The following SYCE1L variants were observed in gnomAD, a reference collection of about 807,000 sequenced individuals.
SYCE1L encodes synaptonemal complex central element protein 1 like.
SYCE1L carries 51 observed loss-of-function variants against 39.6 expected under a neutral mutation model. The observed-to-expected ratio is 1.29, with a 90% CI of 1.03 to 1.63. The LOEUF (loss-of-function observed/expected upper bound fraction) is 1.63, where lower values mean the gene tolerates loss of function less well. Among genes scored for constraint, SYCE1L ranks in the 40% most tolerant of loss-of-function variants. The pLI, the probability that SYCE1L is intolerant of heterozygous loss-of-function variation, is 0.00. For missense variants in SYCE1L, 426 were observed against 304.9 expected (o/e 1.40, Z -2.96); for synonymous variants, 147 against 122.4 (o/e 1.20, Z -1.33).
chr16:77,209,546 G>C (rs2054808818), intron 6 of SYCE1L, 75 bp downstream of exon 6: 1 of 1,500,894 alleles, frequency 6.7e-7, no homozygotes, highest in Admixed American at 2.0e-5. Context: ...CTGTGGAAAT[G>C]AATCTTGGAC....
chr16:77,201,001 C>G (rs901469939), intron 1 of SYCE1L: 1 of 152,192 alleles, frequency 6.6e-6, no homozygotes, highest in Non-Finnish European at 1.5e-5. Context: ...ACACATTAGA[C>G]TGCATCCTGC....
intron 1 of SYCE1L, chr16:77,201,448 G>A (rs551829214): frequency 6.6e-6 from 1 of 152,248 alleles, no homozygotes; most frequent in African/African-American, 2.4e-5. Context: ...CTTTATAAAG[G>A]GAAGCATAGT....
In SYCE1L at chr16:77,208,230, A is replaced by G. The variant is rs1348216490; in HGVS notation, c.142A>G (p.Ile48Val). 1.3e-6 allele frequency: 2 copies of G among 1,551,566 alleles called. No homozygotes were observed. Among genetic ancestry groups the G allele is most frequent in the East Asian group, 2.4e-5 (1 of 40,916 alleles). Reference sequence around the variant, plus strand: ...TTCAGAGGGAAGCCTGGAGCCACAGATAGAGGACCTGATTAGCCGGATTAA... The same window carrying G: ...TTCAGAGGGAAGCCTGGAGCCACAGGTAGAGGACCTGATTAGCCGGATTAA... ...LQKEGSLEPQIEDLISRINDL... is the reference protein window; with the variant it reads ...LQKEGSLEPQVEDLISRINDL... The change falls in exon 3 of 11, where the codon ATA (isoleucine) becomes GTA (valine). Residue 48 changes from isoleucine (I) to valine (V), a missense_variant. Coordinates refer to ENST00000378644, the MANE Select transcript of SYCE1L (RefSeq NM_001129979.3).
chr16:77,200,643 C>G (rs1310871566), intron 1 of SYCE1L: 1 of 150,518 alleles, frequency 6.6e-6, no homozygotes, highest in Non-Finnish European at 1.5e-5. Flanking sequence ...GTAGTCCCAG[C>G]TACTGGGGAG....
intron 3 of SYCE1L, 63 bp downstream of exon 3, chr16:77,208,332 A>G (rs907794856): frequency 6.5e-7 from 1 of 1,543,792 alleles, no homozygotes; most frequent in Non-Finnish European, 8.8e-7. Context: ...TTTATAATGA[A>G]TCCACCTCCT....
intron 5 of SYCE1L, 105 bp from the exon 6 acceptor site, chr16:77,209,312 C>T: frequency 7.2e-7 from 1 of 1,390,136 alleles, no homozygotes; most frequent in Non-Finnish European, 1.0e-6. Flanking sequence ...CACCCAAGTC[C>T]TCACAGTGCC....
intron 6 of SYCE1L, 112 bp from the exon 7 acceptor site, chr16:77,211,101 G>A: frequency 8.6e-7 from 1 of 1,157,724 alleles, no homozygotes; most frequent in Non-Finnish European, 1.3e-6. Flanking sequence ...ACCCATGAAG[G>A]GGCTCCCAGC....
chr16:77,204,938 AGGAGGCTGAGGC>A (rs2054774713), intron 1 of SYCE1L, among the ~76,000 whole-genome samples: 1 of 151,462 alleles, frequency 6.6e-6, no homozygotes, highest in African/African-American at 2.4e-5. Context: ...CCAGGTACTC[AGGAGGCTGAGGC>A]AGGAGAATCG....
chr16:77,209,349 C>T, intron 5 of SYCE1L, 68 bp from the exon 6 acceptor site: 3 of 1,516,054 alleles, frequency 2.0e-6, no homozygotes, highest in Non-Finnish European at 2.7e-6. Flanking sequence ...GATGTGGGGC[C>T]TATTACCTCT....
At chr16:77,210,092 T>A (rs1005288956) in intron 6 of SYCE1L, among the ~76,000 whole-genome samples, 2 of 152,202 alleles carry the variant, frequency 1.3e-5, no homozygotes, top group African/African-American at 4.8e-5. Context: ...CAGCTATCAT[T>A]TCTCCAGCCA....
chr16:77,200,256 G>GTATATATATATATGTATATA (rs2054719886), intron 1 of SYCE1L: 6 of 83,616 alleles, frequency 7.2e-5, no homozygotes, highest in Non-Finnish European at 1.7e-4. Context: ...ATGTATATGT[G>GTATATATATATATGTATATA]TATATATATA....
rs546296504 is a variant in SYCE1L at position 77,206,234 on chromosome 16, A to T, written c.62-207A>T. Among the ~76,000 whole-genome samples, 5 of 152,162 alleles carry T rather than the reference A, an allele frequency of 3.3e-5. 1 individual carries two copies. In the South Asian group the frequency reaches 1.0e-3, roughly 32 times the overall value. On this transcript the variant is annotated intron_variant, in intron 1 of 10. Transcript: ENST00000378644. ...TTTTTAACCCCTCAGGGAGAAGCTG[A>T]CCCTTAGGGGTCCTGATTTATCTAG... is the stretch of plus-strand genomic sequence containing the variant.
At chr16:77,201,520 C>A (rs1460405450) in intron 1 of SYCE1L, 1 of 152,176 alleles carries the variant, frequency 6.6e-6, no homozygotes, top group East Asian at 1.9e-4. Context: ...AGAGAGCTGA[C>A]TCAAAGTAAA....
At chr16:77,206,337 C>A in intron 1 of SYCE1L, 104 bp from the exon 2 acceptor site, 1 of 981,900 alleles carries the variant, frequency 1.0e-6, no homozygotes, top group Non-Finnish European at 1.5e-6. Context: ...CATCCTTAGC[C>A]CCAGCCCACG....
chr16:77,205,433 A>AATATATATATATATATATGTGTATAT (rs145238524), intron 1 of SYCE1L, among the ~76,000 whole-genome samples: 1 of 145,262 alleles, frequency 6.9e-6, no homozygotes, highest in Non-Finnish European at 1.5e-5. Flanking sequence ...CATAGAAGTA[A>AATATATATATATATATATGTGTATAT]ATATATATAT....
intron 7 of SYCE1L, among the ~76,000 whole-genome samples, chr16:77,211,787 G>A (rs765516967): frequency 2.0e-5 from 3 of 152,172 alleles, no homozygotes; most frequent in Non-Finnish European, 4.4e-5. Context: ...TCAACGCAGA[G>A]GTGAAGGAAG....
At chr16:77,199,896 T>C (rs1004896846) in intron 1 of SYCE1L, 2 of 168,602 alleles carry the variant, frequency 1.2e-5, no homozygotes, top group Admixed American at 1.2e-4. Context: ...TATGACACTT[T>C]GATGGACTCT....
rs7203616 is a variant in SYCE1L at position 77,213,091 on chromosome 16, T to G, written c.*160T>G. 0.98 allele frequency: 669,406 copies of G among 685,318 alleles called. 328,269 individuals carry two copies. The highest frequency in any genetic ancestry group is 1 in the East Asian group (29,540 of 29,552). 42.5% of individuals were successfully genotyped at this position (685,318 alleles called of 1,614,324 possible). On this transcript the variant is annotated 3_prime_UTR_variant, in exon 11 of 11. Transcript: ENST00000378644. ...CGAGGCGGGGCCTCTGCCGGACCCC[T>G]CCCACCAGTCGAGCCCCGGGCGCCG... is the stretch of plus-strand genomic sequence containing the variant.
chr16:77,209,873 T>C (rs952399498), intron 6 of SYCE1L, among the ~76,000 whole-genome samples: 3 of 152,180 alleles, frequency 2.0e-5, no homozygotes, highest in Admixed American at 6.5e-5. Flanking sequence ...CATCCATCTA[T>C]CCAACCATGT....
Sources: gnomAD v4.1 joint callset for allele counts (sites outside exome capture counted in the v4.1 genomes callset) on GRCh38, gnomAD v4.1.1 for gene constraint, MANE v1.5 for transcripts, NCBI Gene and HGNC (gene_info 2026-07-23, HGNC 2026-07-21) for gene names.